ANO3: variants seen among roughly 807,000 people sequenced by gnomAD.
The protein encoded by ANO3 is anoctamin-3.
A neutral mutation model predicts 144.8 loss-of-function variants in ANO3; 99 were observed. That is an observed-to-expected ratio of 0.68 (90% CI 0.58 to 0.81). The LOEUF (loss-of-function observed/expected upper bound fraction) is 0.81. Among genes scored for constraint, ANO3 ranks in the 30% least tolerant of loss-of-function variants. The probability of loss-of-function intolerance (pLI) is 0.00; values close to 1 mark genes in which losing one functional copy is unlikely to be tolerated. For missense variants in ANO3, 905 were observed against 1,202.2 expected (o/e 0.75, Z 3.66); for synonymous variants, 414 against 392.6 (o/e 1.05, Z -0.64).
At chr11:26,553,411 T>C in intron 13 of ANO3, 66 bp downstream of exon 13, 1 of 1,088,894 alleles carries the variant, frequency 9.2e-7, no homozygotes, top group Non-Finnish European at 1.4e-6. Flanking sequence ...AGAAGTCCTC[T>C]AGTCAATAGC....
intron 1 of ANO3, among the ~76,000 whole-genome samples, chr11:26,195,900 T>TA (rs1351942462): frequency 2.6e-5 from 4 of 152,114 alleles, no homozygotes; most frequent in Non-Finnish European, 5.9e-5. Flanking sequence ...ACTGTGGAAT[T>TA]AAAAAAATGT....
intron 1 of ANO3, among the ~76,000 whole-genome samples, chr11:26,257,382 T>G (rs1471438620): frequency 2.0e-5 from 3 of 152,056 alleles, no homozygotes; most frequent in African/African-American, 7.2e-5. Context: ...ATTCAGGTGT[T>G]TTGACTCCAA....
At chr11:26,261,566 A>T (rs1853189708) in intron 1 of ANO3, among the ~76,000 whole-genome samples, 1 of 152,194 alleles carries the variant, frequency 6.6e-6, no homozygotes, top group Non-Finnish European at 1.5e-5. Flanking sequence ...ACTACCCACC[A>T]GTGCTAGCAG....
intron 1 of ANO3, among the ~76,000 whole-genome samples, chr11:26,419,245 G>T (rs920252181): frequency 2.6e-5 from 4 of 152,124 alleles, no homozygotes; most frequent in Non-Finnish European, 4.4e-5. Context: ...TAGGGAGATG[G>T]TGTTAAATCA....
At chr11:26,212,543 A>G (rs1314098712) in intron 1 of ANO3, among the ~76,000 whole-genome samples, 1 of 152,130 alleles carries the variant, frequency 6.6e-6, no homozygotes, top group Admixed American at 6.6e-5. Context: ...GAATAAATGG[A>G]TAAATTTCTG....
chr11:26,404,457 C>T, intron 1 of ANO3, among the ~76,000 whole-genome samples: 1 of 151,738 alleles, frequency 6.6e-6, no homozygotes, highest in East Asian at 1.9e-4. Context: ...CCTCTACCTC[C>T]TTTCTTTATA....
chr11:26,611,494 T>G (rs186169636), intron 17 of ANO3, among the ~76,000 whole-genome samples: 72 of 152,350 alleles, frequency 4.7e-4, no homozygotes, highest in African/African-American at 1.6e-3. Context: ...CTCTGTCTTC[T>G]TAAATTTTTT....
At position 26,531,207 on chromosome 11, in the gene ANO3, T is replaced by C; in HGVS notation, c.740T>C (p.Met247Thr). The change falls in exon 8 of 27, where the codon ATG (methionine) becomes ACG (threonine). Residue 247 changes from methionine (M) to threonine (T), a missense_variant and splice_region_variant. By Grantham distance (81) the Met-to-Thr change is moderately conservative (BLOSUM62 -1). Coordinates refer to ENST00000256737, the MANE Select transcript of ANO3 (RefSeq NM_031418.4). ...TDGRSKSMGR[M>T]QTYFRRIKNW... ...TCTCAAATGTGACTTCATTCCAGGATGCAAACTTATTTTAGAAGAATCAAA... is the reference window on the plus strand; with the variant it reads ...TCTCAAATGTGACTTCATTCCAGGACGCAAACTTATTTTAGAAGAATCAAA... 1 of 1,613,996 alleles carries C rather than the reference T, an allele frequency of 6.2e-7. No homozygotes were observed.
rs150078716 is a variant in ANO3, at chr11:26,531,543, G to A, written c.869+207G>A. 2.8e-3 allele frequency among the ~76,000 whole-genome samples: 422 copies of A among 152,220 alleles called. 1 individual carries two copies. Among genetic ancestry groups the A allele is most frequent in the African/African-American group, 9.2e-3 (383 of 41,524 alleles). ...TTTGATGATTTAGAGACATTCAGTA[G>A]TGAATAATTAATTGTAGACCTATGG... On this transcript the variant is annotated intron_variant, in intron 8 of 26. Coordinates refer to ENST00000256737, the MANE Select transcript of ANO3 (RefSeq NM_031418.4).
intron 2 of ANO3, 42 bp from the exon 3 acceptor site, chr11:26,443,723 C>T (rs1858609738): frequency 9.0e-7 from 1 of 1,116,426 alleles, no homozygotes; most frequent in Non-Finnish European, 1.2e-6. Flanking sequence ...TGTTGTTATG[C>T]TTTTATTTCC....
At chr11:26,304,860 A>T (rs1854337897), upstream of ANO3, among the ~76,000 whole-genome samples, 1 of 152,156 alleles carries the variant, frequency 6.6e-6, no homozygotes, top group South Asian at 2.1e-4. Flanking sequence ...GTGAATATGT[A>T]TTTTAAGTTT....
chr11:26,370,553 T>A (rs1361052365), intron 1 of ANO3, among the ~76,000 whole-genome samples: 1 of 152,114 alleles, frequency 6.6e-6, no homozygotes, highest in African/African-American at 2.4e-5. Context: ...TTTGGAGGGC[T>A]CAGAAGAAAA....
At chr11:26,584,955 G>A (rs945604379) in intron 14 of ANO3, among the ~76,000 whole-genome samples, 1 of 152,206 alleles carries the variant, frequency 6.6e-6, no homozygotes, top group African/African-American at 2.4e-5. Flanking sequence ...TAAATATAAT[G>A]TGTAGTTGCT....
At chr11:26,555,949 A>T (rs1850070717) in intron 13 of ANO3, among the ~76,000 whole-genome samples, 1 of 152,156 alleles carries the variant, frequency 6.6e-6, no homozygotes, top group African/African-American at 2.4e-5. Flanking sequence ...ACTGCTTGTG[A>T]CAAAGAAAAA....
chr11:26,544,273 T>TATATATATATATATATATAGAC, intron 11 of ANO3, among the ~76,000 whole-genome samples: 1 of 58,544 alleles, frequency 1.7e-5, no homozygotes, highest in Non-Finnish European at 3.6e-5. Context: ...TATATATATA[T>TATATATATATATATATATAGAC]ACACACATAC....
At chr11:26,207,730 G>GTTCATAAAATGTAGAATTCA (rs1554922676) in intron 1 of ANO3, among the ~76,000 whole-genome samples, 45,776 of 151,722 alleles carry the variant, frequency 0.3, 7,615 homozygotes, top group Non-Finnish European at 0.37. Flanking sequence ...CTAGATTACA[G>GTTCATAAAATGTAGAATTCA]TAAAACTGAC....
chr11:26,350,971 G>A (rs1413942232), intron 1 of ANO3, among the ~76,000 whole-genome samples: 1 of 151,992 alleles, frequency 6.6e-6, no homozygotes, highest in Non-Finnish European at 1.5e-5. Flanking sequence ...TATCATTTTT[G>A]CCTGATATGT....
intron 1 of ANO3, among the ~76,000 whole-genome samples, chr11:26,387,322 T>G (rs1295852581): frequency 6.6e-6 from 1 of 151,938 alleles, no homozygotes; most frequent in Non-Finnish European, 1.5e-5. Context: ...TTAGACTTTC[T>G]AATTCCATGT....
At chr11:26,313,677 CTG>C (rs1685908055) in intron 1 of ANO3, among the ~76,000 whole-genome samples, 1 of 151,070 alleles carries the variant, frequency 6.6e-6, no homozygotes, top group African/African-American at 2.4e-5. Context: ...TGAAGCAAGA[CTG>C]TGTCTCAAAA....
Sources: allele counts gnomAD v4.1 joint callset (sites outside exome capture counted in the v4.1 genomes callset), GRCh38; gene constraint gnomAD v4.1.1; transcripts MANE v1.5; gene names NCBI Gene and HGNC (gene_info 2026-07-23, HGNC 2026-07-21).